HIVEP3: variants seen among roughly 807,000 people sequenced by gnomAD.
HIVEP3 encodes HIVEP zinc finger 3.
Under a neutral mutation model 152.8 loss-of-function variants are expected in HIVEP3, and 49 were observed. The ratio of observed to expected loss-of-function variants is 0.32; its 90% CI spans 0.26 to 0.41. The LOEUF (loss-of-function observed/expected upper bound fraction) is 0.41. HIVEP3 is among the 10% of genes least tolerant of loss of function. The pLI is 1.00. For synonymous variants in HIVEP3, 1,269 were observed against 1,289.0 expected (o/e 0.98, Z 0.33); for missense variants, 2,790 against 3,103.3 (o/e 0.90, Z 2.40).
At chr1:41,739,446 C>T (rs1275652963) in intron 1 of HIVEP3, among the ~76,000 whole-genome samples, 2 of 152,176 alleles carry the variant, frequency 1.3e-5, no homozygotes, top group Non-Finnish European at 2.9e-5. Flanking sequence ...AGCCCAGTGG[C>T]GGCCAAGTGA....
chr1:41,991,133 G>A (rs905643180), intron 1 of HIVEP3, among the ~76,000 whole-genome samples: 4 of 150,666 alleles, frequency 2.7e-5, no homozygotes, highest in Admixed American at 2.6e-4. Flanking sequence ...CTAGCAGAAG[G>A]CAAGAAATAA....
Position 41,548,584 on chromosome 1 carries a change from G to A in HIVEP3, c.5208-23674C>T, listed in dbSNP as rs549607124. Reference sequence around the variant, plus strand: ...GAGTTTTGCTCTTGTTGCCCAGGCTGGAGTATAGTGGCCCGATATCGGCTC... The same window carrying A: ...GAGTTTTGCTCTTGTTGCCCAGGCTAGAGTATAGTGGCCCGATATCGGCTC... On this transcript the variant is annotated intron_variant, in intron 5 of 8. Coordinates refer to ENST00000372583, the MANE Select transcript of HIVEP3 (RefSeq NM_024503.5). Among the ~76,000 whole-genome samples, 8 of 152,104 alleles carry A rather than the reference G, an allele frequency of 5.3e-5. No individual in the cohort carries two copies. The South Asian group carries it at 1.5e-3, about 28-fold the overall frequency.
intron 1 of HIVEP3, among the ~76,000 whole-genome samples, chr1:41,812,000 A>G (rs953252394): frequency 1.3e-5 from 2 of 152,146 alleles, no homozygotes; most frequent in Admixed American, 6.5e-5. Context: ...GCTTAAGAAG[A>G]CAGAAGGCAC....
intron 1 of HIVEP3, among the ~76,000 whole-genome samples, chr1:41,758,661 T>C (rs768707009): frequency 1.3e-5 from 2 of 152,232 alleles, no homozygotes; most frequent in African/African-American, 2.4e-5. Context: ...GTGATTGTGA[T>C]ACATTGTGGG....
Position 41,901,189 on chromosome 1 carries a change from C to G in HIVEP3, c.-801+17224G>C, listed in dbSNP as rs142543927. 4.0e-3 allele frequency among the ~76,000 whole-genome samples: 605 copies of G among 151,972 alleles called. 7 individuals are homozygous for G. The highest frequency in any genetic ancestry group is 0.014 in the African/African-American group (589 of 41,446). ...AAGCAGCTTGGGGGACAGTGGTGCC[C>G]CTTCCTAAGACAGGGTGCATCTGAA... On this transcript the variant is annotated intron_variant, in intron 1 of 8. Transcript: ENST00000372583.
At chr1:41,528,913 A>C (rs1569763708) in intron 5 of HIVEP3, among the ~76,000 whole-genome samples, 1 of 75,238 alleles carries the variant, frequency 1.3e-5, no homozygotes, top group Non-Finnish European at 2.7e-5. Flanking sequence ...CCGCCCTCAC[A>C]CCTTCGCACA....
At chr1:41,992,547 C>A (rs1473070155) in intron 1 of HIVEP3, among the ~76,000 whole-genome samples, 1 of 149,042 alleles carries the variant, frequency 6.7e-6, no homozygotes, top group Non-Finnish European at 1.5e-5. Context: ...TAGGAAGAAT[C>A]AATATCATGA....
chr1:42,031,487 A>T (rs918032371), intron 1 of HIVEP3, among the ~76,000 whole-genome samples: 1 of 152,172 alleles, frequency 6.6e-6, no homozygotes, highest in Non-Finnish European at 1.5e-5. Context: ...TTTGGGGCTG[A>T]ATAATTCTTT....
At chr1:41,833,703 T>C (rs755108705) in intron 1 of HIVEP3, among the ~76,000 whole-genome samples, 5 of 152,128 alleles carry the variant, frequency 3.3e-5, no homozygotes, top group South Asian at 2.1e-4. Context: ...AACATCATGA[T>C]GGACACAAGA....
At chr1:41,826,336 TG>T (rs1642803014) in intron 1 of HIVEP3, among the ~76,000 whole-genome samples, 1 of 152,150 alleles carries the variant, frequency 6.6e-6, no homozygotes, top group Admixed American at 6.5e-5. Flanking sequence ...ACAGCATGCT[TG>T]ATTTTGCATT....
At chr1:41,525,870 G>A (rs1323835117) in intron 5 of HIVEP3, among the ~76,000 whole-genome samples, 2 of 152,132 alleles carry the variant, frequency 1.3e-5, no homozygotes, top group Non-Finnish European at 2.9e-5. Flanking sequence ...CGCCAGGAGA[G>A]GGGACCCTGG....
chr1:41,737,395 C>T (rs907505641), intron 1 of HIVEP3, among the ~76,000 whole-genome samples: 16 of 152,104 alleles, frequency 1.1e-4, no homozygotes, highest in East Asian at 3.9e-4. Context: ...TGTGGTCAAC[C>T]GTCATATCTG....
intron 1 of HIVEP3, among the ~76,000 whole-genome samples, chr1:41,730,872 C>A (rs1646829642): frequency 6.6e-6 from 1 of 152,134 alleles, no homozygotes. Flanking sequence ...TTCAGGGGAT[C>A]TAATGGGACT....
chr1:41,750,819 C>T (rs1193855521), intron 1 of HIVEP3, among the ~76,000 whole-genome samples: 1 of 152,146 alleles, frequency 6.6e-6, no homozygotes, highest in Non-Finnish European at 1.5e-5. Context: ...CTGCCTCAGC[C>T]TCCCAAGTAG....
intron 1 of HIVEP3, among the ~76,000 whole-genome samples, chr1:41,990,831 C>G (rs1454661544): frequency 1.7e-5 from 2 of 117,294 alleles, no homozygotes; most frequent in Non-Finnish European, 3.5e-5. Flanking sequence ...CAAACTAGAA[C>G]TCAGGATTAA....
At chr1:41,836,363 G>T (rs992890975) in intron 1 of HIVEP3, among the ~76,000 whole-genome samples, 1 of 152,226 alleles carries the variant, frequency 6.6e-6, no homozygotes, top group Admixed American at 6.5e-5. Context: ...GCACAGCTGG[G>T]TCAGGTTCAG....
At chr1:42,014,323 G>C (rs1645509319) in intron 1 of HIVEP3, among the ~76,000 whole-genome samples, 1 of 152,058 alleles carries the variant, frequency 6.6e-6, no homozygotes. Context: ...AAGGCAAGCA[G>C]GGTGAGAGTT....
chr1:41,592,996 T>G (rs189891797), intron 3 of HIVEP3, among the ~76,000 whole-genome samples: 3 of 152,194 alleles, frequency 2.0e-5, no homozygotes, highest in African/African-American at 4.8e-5. Context: ...CCCAGCCATG[T>G]CATCAATCCC....
intron 5 of HIVEP3, among the ~76,000 whole-genome samples, chr1:41,574,636 G>A (rs796552879): frequency 5.9e-5 from 9 of 152,288 alleles, no homozygotes; most frequent in African/African-American, 2.2e-4. Context: ...AGGATCAGAG[G>A]CCCCCAGTGA....
Sources: gnomAD v4.1 joint callset for allele counts (sites outside exome capture counted in the v4.1 genomes callset) on GRCh38, gnomAD v4.1.1 for gene constraint, MANE v1.5 for transcripts, NCBI Gene and HGNC (gene_info 2026-07-23, HGNC 2026-07-21) for gene names.